Variants in ARHGEF3 observed in about 807,000 individuals in gnomAD.
ARHGEF3 encodes 59.8 kDA protein.
ARHGEF3 carries 28 observed loss-of-function variants against 63.2 expected under a neutral mutation model. The ratio of observed to expected loss-of-function variants is 0.44; its 90% CI spans 0.33 to 0.61. The LOEUF is 0.61. Ranked by LOEUF, ARHGEF3 falls within the 20% of genes least tolerant of loss-of-function variation. The probability of loss-of-function intolerance (pLI) is 0.03; values close to 1 mark genes in which losing one functional copy is unlikely to be tolerated. For missense variants in ARHGEF3, 533 were observed against 659.3 expected (o/e 0.81, Z 2.10); for synonymous variants, 266 against 254.2 (o/e 1.05, Z -0.44).
At chr3:57,039,646 T>C (rs1421978889) in intron 1 of ARHGEF3, among the ~76,000 whole-genome samples, 1 of 152,158 alleles carries the variant, frequency 6.6e-6, no homozygotes, top group Non-Finnish European at 1.5e-5. Flanking sequence ...GGAGACTCTG[T>C]TCTCCTGCCT....
At chr3:56,992,840 T>G (rs1701817327) in intron 2 of ARHGEF3, among the ~76,000 whole-genome samples, 2 of 152,188 alleles carry the variant, frequency 1.3e-5, no homozygotes, top group Admixed American at 1.3e-4. Flanking sequence ...TATTTTATTT[T>G]TTATTTTTTT....
intron 3 of ARHGEF3, 95 bp downstream of exon 3, chr3:56,754,886 T>G (rs2107769970): frequency 6.7e-7 from 1 of 1,497,930 alleles, no homozygotes; most frequent in Non-Finnish European, 9.1e-7. Context: ...AATGAAGAAT[T>G]GATTTGGAGA....
intron 3 of ARHGEF3, among the ~76,000 whole-genome samples, chr3:56,897,787 G>A (rs185476858): frequency 1.3e-5 from 2 of 152,144 alleles, no homozygotes; most frequent in South Asian, 2.1e-4. Context: ...GGATGGTCTC[G>A]ATCTCTTGAC....
chr3:56,965,654 T>C (rs1337918087), intron 2 of ARHGEF3, among the ~76,000 whole-genome samples: 1 of 123,964 alleles, frequency 8.1e-6, no homozygotes, highest in African/African-American at 2.6e-5. Flanking sequence ...TCTTTTTTTT[T>C]TTTTTTTTTT....
chr3:56,900,445 C>A (rs1225321062), intron 3 of ARHGEF3, among the ~76,000 whole-genome samples: 2 of 152,148 alleles, frequency 1.3e-5, no homozygotes, highest in African/African-American at 4.8e-5. Flanking sequence ...TAAGACCAGC[C>A]TGGGCAACAT....
At chr3:56,739,685 C>T (rs578238806) in intron 7 of ARHGEF3, among the ~76,000 whole-genome samples, 8 of 152,118 alleles carry the variant, frequency 5.3e-5, no homozygotes, top group Non-Finnish European at 7.4e-5. Context: ...CAGGTGTGAG[C>T]CACTGTGTCT....
intron 3 of ARHGEF3, among the ~76,000 whole-genome samples, chr3:56,922,116 C>T (rs1298721410): frequency 6.6e-6 from 1 of 152,016 alleles, no homozygotes; most frequent in Non-Finnish European, 1.5e-5. Context: ...TGTGAAGCAG[C>T]CACCGGCCTG....
chr3:56,739,731 G>T (rs1416250019), intron 7 of ARHGEF3, among the ~76,000 whole-genome samples: 1 of 152,026 alleles, frequency 6.6e-6, no homozygotes, highest in African/African-American at 2.4e-5. Context: ...CCACTAAAAT[G>T]ATATTGTCTG....
intron 3 of ARHGEF3, among the ~76,000 whole-genome samples, chr3:56,954,213 G>A (rs1420201306): frequency 2.0e-5 from 3 of 152,132 alleles, no homozygotes; most frequent in African/African-American, 7.2e-5. Context: ...AGCAGGTCCT[G>A]GTTAAGCATT....
chr3:56,877,069 A>G (rs2040608311), intron 4 of ARHGEF3, among the ~76,000 whole-genome samples: 1 of 152,228 alleles, frequency 6.6e-6, no homozygotes. Context: ...GGATAAACCT[A>G]TTCAGAGATT....
intron 3 of ARHGEF3, among the ~76,000 whole-genome samples, chr3:56,951,314 T>G (rs1413169143): frequency 6.6e-6 from 1 of 151,508 alleles, no homozygotes; most frequent in Non-Finnish European, 1.5e-5. Flanking sequence ...AGAAAGAAAT[T>G]GCCACAGCCA....
chr3:57,037,108 T>G (rs1410841493), intron 1 of ARHGEF3, among the ~76,000 whole-genome samples: 2 of 152,112 alleles, frequency 1.3e-5, no homozygotes, highest in African/African-American at 4.8e-5. Flanking sequence ...CTGCTCTGGC[T>G]TCCATCAGAG....
intron 4 of ARHGEF3, among the ~76,000 whole-genome samples, chr3:56,846,876 C>G (rs554716522): frequency 1.3e-5 from 2 of 152,318 alleles, no homozygotes; most frequent in East Asian, 3.9e-4. Flanking sequence ...CCAAAGGTTG[C>G]ATTTTAACCA....
chr3:56,794,788 A>ATC (rs976907071), intron 1 of ARHGEF3, among the ~76,000 whole-genome samples: 3 of 152,132 alleles, frequency 2.0e-5, no homozygotes, highest in Non-Finnish European at 4.4e-5. Flanking sequence ...AATCGTTGTT[A>ATC]TCCTGTATTG....
intron 2 of ARHGEF3, among the ~76,000 whole-genome samples, chr3:57,019,916 G>A (rs968515835): frequency 6.6e-6 from 1 of 152,104 alleles, no homozygotes; most frequent in African/African-American, 2.4e-5. Flanking sequence ...ATTTATGAAC[G>A]AGACAGAGTT....
intron 2 of ARHGEF3, among the ~76,000 whole-genome samples, chr3:56,989,511 A>G (rs1252852588): frequency 6.6e-6 from 1 of 152,216 alleles, no homozygotes; most frequent in Non-Finnish European, 1.5e-5. Context: ...AGAAAACCCC[A>G]GCAGGTCTGT....
chr3:57,056,420 G>T (rs1704940911), intron 1 of ARHGEF3, among the ~76,000 whole-genome samples: 1 of 149,210 alleles, frequency 6.7e-6, no homozygotes, highest in Non-Finnish European at 1.5e-5. Context: ...GAGCAAGTAT[G>T]CAGGGAAAAG....
At chr3:56,953,476 C>A (rs537434253) in intron 3 of ARHGEF3, among the ~76,000 whole-genome samples, 1 of 152,172 alleles carries the variant, frequency 6.6e-6, no homozygotes, top group Non-Finnish European at 1.5e-5. Context: ...GTCCAGGAAA[C>A]AGAGTCCCTT....
chr3:56,920,896 CAA>C (rs990599651), intron 3 of ARHGEF3, among the ~76,000 whole-genome samples: 1 of 150,224 alleles, frequency 6.7e-6, no homozygotes, highest in African/African-American at 2.4e-5. Flanking sequence ...ACTAAAAATA[CAA>C]AAAAAAATTA....
Sources: allele counts gnomAD v4.1 joint callset (sites outside exome capture counted in the v4.1 genomes callset), GRCh38; gene constraint gnomAD v4.1.1; transcripts MANE v1.5; gene names NCBI Gene and HGNC (gene_info 2026-07-23, HGNC 2026-07-21).